The following MEF2A variants were observed in gnomAD, a reference collection of about 807,000 sequenced individuals.
MEF2A encodes myocyte-specific enhancer factor 2A.
In MEF2A, 28 loss-of-function variants were observed where a neutral mutation model predicts 55.8. The ratio of observed to expected loss-of-function variants is 0.50; its 90% CI spans 0.37 to 0.69. MEF2A has a LOEUF of 0.69. MEF2A is among the 30% of genes least tolerant of loss of function. MEF2A has a pLI of 0.00. For missense variants in MEF2A, 528 were observed against 626.2 expected (o/e 0.84, Z 1.67); for synonymous variants, 239 against 227.1 (o/e 1.05, Z -0.47).
intron 1 of MEF2A, among the ~76,000 whole-genome samples, chr15:99,576,175 G>T (rs1349609671): frequency 6.6e-6 from 1 of 152,158 alleles, no homozygotes; most frequent in Non-Finnish European, 1.5e-5. Context: ...GAGCCTTTTG[G>T]CTTATTAACC....
chr15:99,640,789 TC>T (rs1248870667), intron 3 of MEF2A, among the ~76,000 whole-genome samples: 15 of 152,142 alleles, frequency 9.9e-5, no homozygotes. Context: ...GCTCAAGTGA[TC>T]CTCCCACCTG....
At chr15:99,676,610 T>G (rs899132679) in intron 7 of MEF2A, among the ~76,000 whole-genome samples, 1 of 151,732 alleles carries the variant, frequency 6.6e-6, no homozygotes, top group South Asian at 2.1e-4. Flanking sequence ...CTCGCTCTTG[T>G]CGCCCAGGCT....
chr15:99,576,115 C>CAGA (rs1964185814), intron 1 of MEF2A, among the ~76,000 whole-genome samples: 2 of 152,132 alleles, frequency 1.3e-5, no homozygotes, highest in South Asian at 4.1e-4. Flanking sequence ...ATTTAGAAAC[C>CAGA]AGAAACCAGG....
chr15:99,691,355 A>G (rs534871153), intron 8 of MEF2A, among the ~76,000 whole-genome samples: 2 of 152,320 alleles, frequency 1.3e-5, no homozygotes, highest in East Asian at 1.9e-4. Context: ...TCATTAATCA[A>G]TTAAACATGC....
At chr15:99,582,633 A>G (rs1966263283) in intron 1 of MEF2A, among the ~76,000 whole-genome samples, 1 of 152,040 alleles carries the variant, frequency 6.6e-6, no homozygotes, top group African/African-American at 2.4e-5. Flanking sequence ...TGTCTTACAA[A>G]TGACTCAGGA....
intron 2 of MEF2A, among the ~76,000 whole-genome samples, chr15:99,604,223 A>G (rs1053470029): frequency 4.6e-5 from 7 of 152,084 alleles, no homozygotes; most frequent in African/African-American, 9.7e-5. Context: ...TTTCACCACT[A>G]TTTCTTCAAA....
intron 4 of MEF2A, among the ~76,000 whole-genome samples, chr15:99,650,266 G>C (rs760763857): frequency 1.3e-5 from 2 of 152,176 alleles, no homozygotes; most frequent in Non-Finnish European, 2.9e-5. Flanking sequence ...CCAGGTCTGT[G>C]ACATTAACCT....
intron 7 of MEF2A, among the ~76,000 whole-genome samples, chr15:99,683,358 T>C (rs541121786): frequency 6.6e-6 from 1 of 152,226 alleles, no homozygotes; most frequent in Non-Finnish European, 1.5e-5. Flanking sequence ...ACAAGAGGAA[T>C]TGGGTGAGGG....
intron 7 of MEF2A, 82 bp from the exon 8 acceptor site, chr15:99,690,159 A>C: frequency 1.5e-6 from 2 of 1,355,090 alleles, no homozygotes; most frequent in Non-Finnish European, 2.0e-6. Context: ...TTTGCAACTC[A>C]GACTGGGGAA....
At chr15:99,710,563 G>A in intron 10 of MEF2A, 71 bp from the exon 11 acceptor site, 1 of 1,562,370 alleles carries the variant, frequency 6.4e-7, no homozygotes, top group South Asian at 1.1e-5. Flanking sequence ...AACTTTTGCA[G>A]TAGCTACGTA....
intron 4 of MEF2A, among the ~76,000 whole-genome samples, chr15:99,667,198 T>C (rs967859234): frequency 2.6e-5 from 4 of 152,054 alleles, no homozygotes; most frequent in Admixed American, 2.0e-4. Flanking sequence ...AAAATAGTTT[T>C]GTTTTTTGGT....
chr15:99,649,684 T>C (rs1214422972), intron 4 of MEF2A, among the ~76,000 whole-genome samples: 2 of 152,272 alleles, frequency 1.3e-5, no homozygotes, highest in East Asian at 3.9e-4. Flanking sequence ...TCCTAGAGTG[T>C]AGGAAACTAC....
chr15:99,692,468 T>G (rs2055675839), intron 8 of MEF2A, among the ~76,000 whole-genome samples: 1 of 151,698 alleles, frequency 6.6e-6, no homozygotes, highest in Non-Finnish European at 1.5e-5. Flanking sequence ...CTGGCCCAGA[T>G]ACTCCAGAGT....
chr15:99,583,335 C>A (rs554052241), intron 1 of MEF2A, among the ~76,000 whole-genome samples: 1 of 152,160 alleles, frequency 6.6e-6, no homozygotes, highest in African/African-American at 2.4e-5. Flanking sequence ...ATAGAGCATC[C>A]AAACTTTTTC....
At chr15:99,667,893 TAC>T (rs2050106974) in intron 4 of MEF2A, among the ~76,000 whole-genome samples, 1 of 152,186 alleles carries the variant, frequency 6.6e-6, no homozygotes, top group Admixed American at 6.5e-5. Context: ...CTCTAAACAA[TAC>T]AGAGTTTTAA....
At chr15:99,591,951 C>T (rs1036282022) in intron 1 of MEF2A, among the ~76,000 whole-genome samples, 1 of 152,050 alleles carries the variant, frequency 6.6e-6, no homozygotes, top group Admixed American at 6.6e-5. Flanking sequence ...TTTCTTTTAT[C>T]GGATTTCCCC....
intron 4 of MEF2A, 86 bp downstream of exon 4, chr15:99,645,850 T>C: frequency 4.2e-6 from 4 of 952,272 alleles, no homozygotes; most frequent in Non-Finnish European, 6.2e-6. Context: ...GACTTGTACA[T>C]CTAAAACATA....
intron 3 of MEF2A, among the ~76,000 whole-genome samples, chr15:99,639,861 G>A (rs1237344161): frequency 2.0e-5 from 3 of 151,984 alleles, no homozygotes; most frequent in South Asian, 2.1e-4. Flanking sequence ...TTTTGTGCTG[G>A]GTTGTTGGTT....
chr15:99,574,993 A>G (rs1012634264), intron 1 of MEF2A, among the ~76,000 whole-genome samples: 2 of 152,126 alleles, frequency 1.3e-5, no homozygotes, highest in African/African-American at 4.8e-5. Context: ...GCATTGTTAT[A>G]TAATATCAAG....
Sources: allele counts gnomAD v4.1 joint callset (sites outside exome capture counted in the v4.1 genomes callset), GRCh38; gene constraint gnomAD v4.1.1; transcripts MANE v1.5; gene names NCBI Gene and HGNC (gene_info 2026-07-23, HGNC 2026-07-21).